The following ZNF827 variants were observed in gnomAD, a reference collection of about 807,000 sequenced individuals.
ZNF827 encodes the protein zinc finger protein 827.
ZNF827 carries 13 observed loss-of-function variants against 102.4 expected under a neutral mutation model. That is an observed-to-expected ratio of 0.13 (90% CI 0.08 to 0.20). The LOEUF (loss-of-function observed/expected upper bound fraction) is 0.20. Among genes scored for constraint, ZNF827 ranks in the 10% least tolerant of loss-of-function variants. The pLI is 1.00. For synonymous variants in ZNF827, 523 were observed against 536.2 expected (o/e 0.98, Z 0.34); for missense variants, 1,103 against 1,344.4 (o/e 0.82, Z 2.81).
In ZNF827 at chr4:145,862,773, C is replaced by T. The variant is rs191574870; in HGVS notation, c.1981+7472G>A. Among the ~76,000 whole-genome samples, 3 of 152,288 alleles carry T rather than the reference C, an allele frequency of 2.0e-5. No homozygotes were observed. The East Asian group carries it at 5.8e-4, about 29-fold the overall frequency. ...TTATATCTCTGAAAATTAAATAGCA[C>T]TATGTGAATATGAGACAGACTTTCC... On this transcript the variant is annotated intron_variant, in intron 5 of 14. Transcript: ENST00000508784.
intron 7 of ZNF827, among the ~76,000 whole-genome samples, chr4:145,834,683 C>G (rs1023577180): frequency 6.6e-6 from 1 of 152,082 alleles, no homozygotes; most frequent in African/African-American, 2.4e-5. Context: ...AAATCCAGCC[C>G]AGTTCATGAC....
chr4:145,814,960 A>G (rs1269508460), intron 8 of ZNF827, among the ~76,000 whole-genome samples: 5 of 152,006 alleles, frequency 3.3e-5, no homozygotes, highest in African/African-American at 1.2e-4. Flanking sequence ...ACAAAACAAA[A>G]AAACCCAAAA....
intron 1 of ZNF827, among the ~76,000 whole-genome samples, chr4:145,906,840 G>A (rs375924374): frequency 5.4e-4 from 83 of 152,298 alleles, no homozygotes; most frequent in African/African-American, 1.9e-3. Flanking sequence ...TTGCAGACTC[G>A]ATCACTGAGA....
chr4:145,898,028 G>T (rs187333999), intron 2 of ZNF827, among the ~76,000 whole-genome samples: 130 of 152,254 alleles, frequency 8.5e-4, no homozygotes, highest in Middle Eastern at 3.4e-3. Flanking sequence ...GGTGGTGCAT[G>T]CCTGTAGTCC....
Position 145,814,008 on chromosome 4 carries a change from C to T in ZNF827, c.2383+9414G>A, listed in dbSNP as rs571587738. 2.6e-5 allele frequency among the ~76,000 whole-genome samples: 4 copies of T among 152,222 alleles called. No homozygotes were observed. In the South Asian group the frequency reaches 8.3e-4, roughly 32 times the overall value. On this transcript the variant is annotated intron_variant, in intron 8 of 14. Transcript: ENST00000508784. ...GATGGTGCAGCAGATAGTGTTGTTCCTCATGTCCCTCCCCAGTTACAGGTT... is the reference window on the plus strand; with the variant it reads ...GATGGTGCAGCAGATAGTGTTGTTCTTCATGTCCCTCCCCAGTTACAGGTT...
intron 8 of ZNF827, among the ~76,000 whole-genome samples, chr4:145,821,041 T>G (rs1743092712): frequency 6.6e-6 from 1 of 152,204 alleles, no homozygotes; most frequent in Non-Finnish European, 1.5e-5. Flanking sequence ...CATTCATACT[T>G]CTTTCTCATT....
chr4:145,764,925 T>C (rs1436226020), intron 13 of ZNF827, 63 bp downstream of exon 13: 1 of 1,604,394 alleles, frequency 6.2e-7, no homozygotes, highest in Non-Finnish European at 8.5e-7. Context: ...AGGGACGGGG[T>C]AGGGAAGGGG....
At chr4:145,821,806 C>T (rs563042548) in intron 8 of ZNF827, among the ~76,000 whole-genome samples, 3 of 152,254 alleles carry the variant, frequency 2.0e-5, no homozygotes, top group Admixed American at 1.3e-4. Flanking sequence ...GAAAACCCCC[C>T]GATGCACAGT....
chr4:145,921,569 G>A (rs1217896208), intron 1 of ZNF827, among the ~76,000 whole-genome samples: 2 of 151,636 alleles, frequency 1.3e-5, no homozygotes, highest in East Asian at 3.9e-4. Flanking sequence ...CAGGGGGTGG[G>A]CATGATTTAT....
chr4:145,887,861 G>A (rs941244074), intron 3 of ZNF827, among the ~76,000 whole-genome samples: 1 of 152,180 alleles, frequency 6.6e-6, no homozygotes, highest in Non-Finnish European at 1.5e-5. Context: ...TAAAGGTCAC[G>A]AGTTAGAGAG....
chr4:145,803,116 C>T (rs1741077822), intron 8 of ZNF827, among the ~76,000 whole-genome samples: 2 of 152,236 alleles, frequency 1.3e-5, no homozygotes, highest in Admixed American at 6.5e-5. Flanking sequence ...TACCTAAACA[C>T]CTATCTCTAT....
intron 1 of ZNF827, among the ~76,000 whole-genome samples, chr4:145,923,083 T>C (rs924535241): frequency 6.6e-6 from 1 of 152,220 alleles, no homozygotes; most frequent in Admixed American, 6.5e-5. Context: ...AGATGTTCTA[T>C]GCACATTGAT....
chr4:145,902,119 T>C lies in ZNF827; in HGVS notation c.1093+47A>G. ...AAGCAATGAATAAGACATCGCAGTT[T>C]ATAGTCTAAAGGACTTACACGATGA... On this transcript the variant is annotated intron_variant, in intron 2 of 14. Coordinates refer to ENST00000508784, the MANE Select transcript of ZNF827 (RefSeq NM_001306215.2). This position sits in a 1 kb window ranked among gnomAD's most constrained non-coding sequence, Gnocchi z 4.3. 2 of 1,528,394 alleles carry C rather than the reference T, an allele frequency of 1.3e-6. No homozygotes were observed. Among genetic ancestry groups the C allele is most frequent in the East Asian group, 4.5e-5 (2 of 44,208 alleles). 94.7% of individuals were successfully genotyped at this position (1,528,394 alleles called of 1,614,324 possible). A position where few individuals can be genotyped will look rare whatever the true frequency, so the allele number is the denominator to read the frequency against.
intron 7 of ZNF827, among the ~76,000 whole-genome samples, chr4:145,826,127 C>A (rs1373924130): frequency 6.6e-6 from 1 of 152,170 alleles, no homozygotes; most frequent in South Asian, 2.1e-4. Context: ...CAGGAGATAG[C>A]AAGTGTGCTA....
chr4:145,831,141 C>T (rs903053922), intron 7 of ZNF827: 6 of 152,134 alleles, frequency 3.9e-5, no homozygotes, highest in Non-Finnish European at 5.9e-5. Flanking sequence ...AAAAGGACCC[C>T]GGATGGCAGG....
intron 1 of ZNF827, among the ~76,000 whole-genome samples, chr4:145,919,832 A>G (rs750363041): frequency 1.3e-5 from 2 of 152,240 alleles, no homozygotes; most frequent in Non-Finnish European, 2.9e-5. Flanking sequence ...AACTCCAACA[A>G]TTCACTAATA....
chr4:145,889,652 G>A (rs1267964664), intron 3 of ZNF827, among the ~76,000 whole-genome samples: 2 of 149,494 alleles, frequency 1.3e-5, no homozygotes, highest in Non-Finnish European at 3.0e-5. Flanking sequence ...CTCCCGTACT[G>A]ACCCCACTTC....
chr4:145,808,963 G>C (rs1438323837), intron 8 of ZNF827, among the ~76,000 whole-genome samples: 1 of 151,976 alleles, frequency 6.6e-6, no homozygotes, highest in Non-Finnish European at 1.5e-5. Context: ...ACCATACATG[G>C]CTAATTTTTA....
Position 145,760,870 on chromosome 4 carries a change from G to A in ZNF827, c.*746C>T. The stretch of plus-strand genomic sequence containing the variant: ...GCTGGGAGGCGCAGTCTGAGGTCGG[G>A]GAGGGTGGAATGTGAGATCCAAGTG... On this transcript the variant is annotated 3_prime_UTR_variant, in exon 15 of 15. Coordinates refer to ENST00000508784, the MANE Select transcript of ZNF827 (RefSeq NM_001306215.2). 8.2e-7 allele frequency: 1 copy of A among 1,225,286 alleles called. No individual in the cohort carries two copies. Among genetic ancestry groups the A allele is most frequent in the Non-Finnish European group, 1.0e-6 (1 of 958,194 alleles). 75.9% of individuals were successfully genotyped at this position (1,225,286 alleles called of 1,614,324 possible).
Sources: allele counts gnomAD v4.1 joint callset (sites outside exome capture counted in the v4.1 genomes callset), GRCh38; gene constraint gnomAD v4.1.1; non-coding constraint Gnocchi (gnomAD v3.1); transcripts MANE v1.5; gene names NCBI Gene and HGNC (gene_info 2026-07-23, HGNC 2026-07-21).